ARHGAP19: variants seen among roughly 807,000 people sequenced by gnomAD.
The protein encoded by ARHGAP19 is rho GTPase-activating protein 19.
A neutral mutation model predicts 60.9 loss-of-function variants in ARHGAP19; 48 were observed. The observed-to-expected ratio is 0.79, with a 90% CI of 0.62 to 1.00. The LOEUF is 1.00. Among genes scored for constraint, ARHGAP19 ranks in the 50% least tolerant of loss-of-function variants. ARHGAP19 has a pLI of 0.00. For missense variants in ARHGAP19, 562 were observed against 597.2 expected (o/e 0.94, Z 0.61); for synonymous variants, 209 against 215.5 (o/e 0.97, Z 0.27).
At chr10:97,290,039 A>C (rs1843209802) in intron 1 of ARHGAP19, among the ~76,000 whole-genome samples, 1 of 145,702 alleles carries the variant, frequency 6.9e-6, no homozygotes, top group Non-Finnish European at 1.5e-5. Context: ...GTTCCCGGGC[A>C]AAAAAAAAAA....
At chr10:97,231,414 C>G (rs926190064) in intron 9 of ARHGAP19, among the ~76,000 whole-genome samples, 10 of 152,050 alleles carry the variant, frequency 6.6e-5, no homozygotes, top group Non-Finnish European at 1.3e-4. Flanking sequence ...TCAGAACTTT[C>G]TCATCCTCCC....
chr10:97,252,078 T>C lies in ARHGAP19; in HGVS notation c.927+4240A>G, dbSNP rs1471482096. ...GGTGTTGGGAAGAGTTAAACCAGAC[T>C]GAAAGAGATGGACTGATAACAGTAG... On this transcript the variant is annotated intron_variant, in intron 6 of 11. Coordinates refer to ENST00000358531, the MANE Select transcript of ARHGAP19 (RefSeq NM_032900.6). Among the ~76,000 whole-genome samples the C allele has an allele frequency of 3.3e-5, 5 of 151,936 alleles. No homozygotes were observed. In the East Asian group the frequency reaches 9.7e-4, roughly 29 times the overall value.
chr10:97,233,915 G>A (rs991126749), intron 9 of ARHGAP19, among the ~76,000 whole-genome samples: 4 of 150,994 alleles, frequency 2.6e-5, no homozygotes, highest in Non-Finnish European at 5.9e-5. Flanking sequence ...GACACAGGGA[G>A]GGGAACAACA....
intron 3 of ARHGAP19, among the ~76,000 whole-genome samples, chr10:97,264,176 G>T (rs1040921681): frequency 6.6e-6 from 1 of 152,128 alleles, no homozygotes; most frequent in Non-Finnish European, 1.5e-5. Flanking sequence ...CCTAGGCCAG[G>T]CTCAATGGCT....
intron 8 of ARHGAP19, among the ~76,000 whole-genome samples, chr10:97,242,841 G>C (rs1842509960): frequency 6.6e-6 from 1 of 151,794 alleles, no homozygotes; most frequent in African/African-American, 2.4e-5. Context: ...GTAGAGACGG[G>C]GTTTCTCCAT....
chr10:97,280,612 C>T (rs1278333807), intron 1 of ARHGAP19, among the ~76,000 whole-genome samples: 1 of 151,344 alleles, frequency 6.6e-6, no homozygotes, highest in Non-Finnish European at 1.5e-5. Flanking sequence ...AAGACAGGGT[C>T]TCACTCTGTT....
At chr10:97,241,058 C>T (rs767795306) in intron 8 of ARHGAP19, among the ~76,000 whole-genome samples, 12 of 152,084 alleles carry the variant, frequency 7.9e-5, no homozygotes, top group African/African-American at 2.7e-4. Context: ...CGGTGGCTCA[C>T]GCCTGTAATA....
At chr10:97,239,866 C>T (rs1351141935) in intron 8 of ARHGAP19, among the ~76,000 whole-genome samples, 1 of 151,734 alleles carries the variant, frequency 6.6e-6, no homozygotes, top group Non-Finnish European at 1.5e-5. Context: ...AGCCACCATG[C>T]CTGGCTAATT....
rs1221054556 is a variant in ARHGAP19, at chr10:97,239,559, T to G, written c.1186-4244A>C. Among the ~76,000 whole-genome samples the G allele has an allele frequency of 5.9e-4, 7 of 11,844 alleles. No individual in the cohort carries two copies. In the East Asian group the frequency reaches 0.017, roughly 29 times the overall value. The allele number at this position is 11,844 out of a possible 152,430, so 7.8% of individuals were successfully genotyped here. ...GAGAGAGAGAGAGAGAGGGTGTGTGTGTGTGTGTGTGTGTGTGTGTGTGTG... is the reference window on the plus strand; with the variant it reads ...GAGAGAGAGAGAGAGAGGGTGTGTGGGTGTGTGTGTGTGTGTGTGTGTGTG... On this transcript the variant is annotated intron_variant, in intron 8 of 11. Transcript: ENST00000358531.
Position 97,228,518 on chromosome 10 carries a change from T to C in ARHGAP19, c.1474+629A>G, listed in dbSNP as rs183733757. Among the ~76,000 whole-genome samples the C allele has an allele frequency of 2.9e-3, 443 of 152,326 alleles. 2 individuals carry two copies. Among genetic ancestry groups the C allele is most frequent in the African/African-American group, 0.01 (419 of 41,574 alleles). The stretch of plus-strand genomic sequence containing the variant: ...ATTCATAGAGAATGGGTGGTTTTCC[T>C]GGGTCAGAGGAATGATAACTCCCAT... On this transcript the variant is annotated intron_variant, in intron 11 of 11. Coordinates refer to ENST00000358531, the MANE Select transcript of ARHGAP19 (RefSeq NM_032900.6).
chr10:97,282,999 C>T (rs1003154058), intron 1 of ARHGAP19, among the ~76,000 whole-genome samples: 1 of 151,356 alleles, frequency 6.6e-6, no homozygotes, highest in Non-Finnish European at 1.5e-5. Context: ...TCTGCCACCA[C>T]GCCTGGCTAA....
chr10:97,226,019 G>A lies in ARHGAP19; in HGVS notation c.*103C>T, dbSNP rs1223934127. On this transcript the variant is annotated 3_prime_UTR_variant, in exon 12 of 12. Transcript: ENST00000358531. ...TTAGTTGGCTTTGACAATTCAAAAT[G>A]CAGCAAGCAAGCTGCAAGTCCAAGC... The A allele has an allele frequency of 7.7e-7, 1 of 1,302,384 alleles. No homozygotes were observed. The highest frequency in any genetic ancestry group is 1.5e-5 in the African/African-American group (1 of 67,568). 80.7% of individuals were successfully genotyped at this position (1,302,384 alleles called of 1,614,324 possible). A position where few individuals can be genotyped will look rare whatever the true frequency, so the allele number is the denominator to read the frequency against.
chr10:97,249,115 G>A (rs1312562079), intron 6 of ARHGAP19, among the ~76,000 whole-genome samples: 1 of 152,100 alleles, frequency 6.6e-6, no homozygotes, highest in African/African-American at 2.4e-5. Flanking sequence ...TTTTTAAAGG[G>A]AGAGAGAATG....
At position 97,286,163 on chromosome 10, in the gene ARHGAP19, T is replaced by G. The variant is rs949576313; in HGVS notation, c.56+6409A>C. ...GAATTTAACAGCACAAATACAAAACTAGATTCAGGTTTTCTCACTTAACTG... is the reference window on the plus strand; with the variant it reads ...GAATTTAACAGCACAAATACAAAACGAGATTCAGGTTTTCTCACTTAACTG... On this transcript the variant is annotated intron_variant, in intron 1 of 11. Transcript: ENST00000358531. Among the ~76,000 whole-genome samples, 12 of 151,820 alleles carry G rather than the reference T, an allele frequency of 7.9e-5. 1 individual carries two copies. Among genetic ancestry groups the G allele is most frequent in the African/African-American group, 2.9e-4 (12 of 41,540 alleles).
intron 1 of ARHGAP19, among the ~76,000 whole-genome samples, chr10:97,273,311 C>T (rs1842983017): frequency 6.6e-6 from 1 of 151,882 alleles, no homozygotes; most frequent in Non-Finnish European, 1.5e-5. Context: ...TACAGGCACA[C>T]ACCACCACAC....
intron 9 of ARHGAP19, 100 bp downstream of exon 9, chr10:97,235,117 G>T: frequency 8.8e-7 from 1 of 1,131,108 alleles, no homozygotes; most frequent in Non-Finnish European, 1.3e-6. Flanking sequence ...CCCTTTATAG[G>T]GTCCCCAAAA....
intron 6 of ARHGAP19, among the ~76,000 whole-genome samples, chr10:97,252,218 C>T (rs957511139): frequency 2.0e-5 from 3 of 151,928 alleles, no homozygotes; most frequent in African/African-American, 7.3e-5. Flanking sequence ...TGGCATGCGC[C>T]TGTGGTCCCA....
At chr10:97,272,704 T>A (rs1391073679) in intron 1 of ARHGAP19, among the ~76,000 whole-genome samples, 1 of 152,202 alleles carries the variant, frequency 6.6e-6, no homozygotes, top group East Asian at 1.9e-4. Flanking sequence ...TATCCTCTTA[T>A]CTTTTTTAAT....
intron 1 of ARHGAP19, among the ~76,000 whole-genome samples, chr10:97,282,736 C>G (rs964710462): frequency 9.9e-5 from 15 of 151,960 alleles, no homozygotes; most frequent in African/African-American, 3.6e-4. Context: ...TCTTAGAGAT[C>G]TCTTTACTTC....
Sources: allele counts gnomAD v4.1 joint callset (sites outside exome capture counted in the v4.1 genomes callset), GRCh38; gene constraint gnomAD v4.1.1; transcripts MANE v1.5; gene names NCBI Gene and HGNC (gene_info 2026-07-23, HGNC 2026-07-21).